Variants in LRMDA observed in about 807,000 individuals in gnomAD.
LRMDA encodes leucine rich melanocyte differentiation associated.
A neutral mutation model predicts 29.8 loss-of-function variants in LRMDA; 18 were observed. That is an observed-to-expected ratio of 0.60 (90% confidence interval 0.42 to 0.90). LRMDA has a LOEUF of 0.90. Among genes scored for constraint, LRMDA ranks in the 40% least tolerant of loss-of-function variants. LRMDA has a pLI of 0.00. For synonymous variants in LRMDA, 125 were observed against 109.4 expected (o/e 1.14, Z -0.89); for missense variants, 273 against 273.9 (o/e 1.00, Z 0.02).
intron 5 of LRMDA, among the ~76,000 whole-genome samples, chr10:76,244,284 C>T (rs900816138): frequency 1.3e-5 from 2 of 152,116 alleles, no homozygotes; most frequent in African/African-American, 4.8e-5. Flanking sequence ...GCATTCAGTA[C>T]ACATCAGATT....
At chr10:76,089,352 CAT>C (rs1447749945) in intron 5 of LRMDA, among the ~76,000 whole-genome samples, 1 of 152,294 alleles carries the variant, frequency 6.6e-6, no homozygotes, top group East Asian at 1.9e-4. Context: ...TACAGAGAAA[CAT>C]GTGACTTAAG....
chr10:76,150,161 G>A (rs1177450606), intron 5 of LRMDA, among the ~76,000 whole-genome samples: 1 of 152,198 alleles, frequency 6.6e-6, no homozygotes, highest in Non-Finnish European at 1.5e-5. Context: ...GCTGCCAAAA[G>A]CCCCTCCGCG....
At chr10:76,021,943 G>A (rs1847981566) in intron 2 of LRMDA, among the ~76,000 whole-genome samples, 1 of 152,182 alleles carries the variant, frequency 6.6e-6, no homozygotes, top group Admixed American at 6.5e-5. Context: ...GAAAGGAAAA[G>A]TGTCCTCCTG....
chr10:75,512,298 G>A (rs146297842), intron 2 of LRMDA, among the ~76,000 whole-genome samples: 95 of 152,148 alleles, frequency 6.2e-4, no homozygotes, highest in Admixed American at 1.0e-3. Flanking sequence ...ATCAGAACTG[G>A]GAAATTCCTG....
intron 5 of LRMDA, among the ~76,000 whole-genome samples, chr10:76,153,982 C>T (rs999137037): frequency 3.3e-5 from 5 of 152,136 alleles, no homozygotes; most frequent in African/African-American, 9.7e-5. Flanking sequence ...GATATCACAG[C>T]GATTGATTAA....
intron 2 of LRMDA, among the ~76,000 whole-genome samples, chr10:76,006,060 TC>T (rs1847650317): frequency 6.6e-6 from 1 of 152,122 alleles, no homozygotes; most frequent in Admixed American, 6.5e-5. Flanking sequence ...AGTCGCTGTT[TC>T]ACAAAGGGAA....
intron 2 of LRMDA, among the ~76,000 whole-genome samples, chr10:75,766,681 G>C (rs1018173564): frequency 1.3e-5 from 2 of 151,728 alleles, no homozygotes; most frequent in Non-Finnish European, 2.9e-5. Flanking sequence ...GAATGTGCAG[G>C]TTTGTTACAT....
At chr10:75,739,254 C>T (rs1205061272) in intron 2 of LRMDA, among the ~76,000 whole-genome samples, 1 of 152,204 alleles carries the variant, frequency 6.6e-6, no homozygotes, top group Non-Finnish European at 1.5e-5. Flanking sequence ...TTTATATGGG[C>T]ATTAGCGAAT....
intron 2 of LRMDA, among the ~76,000 whole-genome samples, chr10:75,682,158 C>G (rs1243206032): frequency 1.3e-5 from 2 of 152,210 alleles, no homozygotes; most frequent in African/African-American, 2.4e-5. Context: ...ACTCAGAATT[C>G]TACCTAGGAG....
intron 5 of LRMDA, among the ~76,000 whole-genome samples, chr10:76,161,515 A>T (rs1233190400): frequency 6.6e-6 from 1 of 152,218 alleles, no homozygotes. Context: ...ACAAACAAAC[A>T]AACAAAACTT....
chr10:76,332,425 G>T (rs773029002), intron 6 of LRMDA, among the ~76,000 whole-genome samples: 1 of 152,124 alleles, frequency 6.6e-6, no homozygotes, highest in Non-Finnish European at 1.5e-5. Context: ...CAGAATTGTG[G>T]TATACTTGTA....
At chr10:76,407,399 A>G (rs897734837) in intron 6 of LRMDA, among the ~76,000 whole-genome samples, 1 of 152,220 alleles carries the variant, frequency 6.6e-6, no homozygotes, top group African/African-American at 2.4e-5. Context: ...GAGTTGGAAC[A>G]CACAATCTGT....
At chr10:75,977,237 T>C (rs1475686035) in intron 2 of LRMDA, among the ~76,000 whole-genome samples, 1 of 152,204 alleles carries the variant, frequency 6.6e-6, no homozygotes, top group East Asian at 1.9e-4. Context: ...TTATAAATTT[T>C]CCCAGCAATT....
chr10:76,137,791 CA>C (rs1164386935), intron 5 of LRMDA, among the ~76,000 whole-genome samples: 1 of 140,388 alleles, frequency 7.1e-6, no homozygotes, highest in African/African-American at 2.7e-5. Context: ...AAAAAACAAA[CA>C]AAAAACCCTA....
intron 2 of LRMDA, among the ~76,000 whole-genome samples, chr10:75,670,274 A>G (rs1312073420): frequency 3.3e-5 from 5 of 152,248 alleles, no homozygotes; most frequent in Non-Finnish European, 4.4e-5. Context: ...TAAGCTCTAA[A>G]GTGACTTTGA....
intron 5 of LRMDA, among the ~76,000 whole-genome samples, chr10:76,296,039 G>C (rs1368783740): frequency 6.6e-6 from 1 of 152,086 alleles, no homozygotes; most frequent in African/African-American, 2.4e-5. Flanking sequence ...ACTGAGTACT[G>C]CATGAATACA....
chr10:75,663,068 C>G (rs1841775376), intron 2 of LRMDA, among the ~76,000 whole-genome samples: 1 of 152,154 alleles, frequency 6.6e-6, no homozygotes. Context: ...ATGCTTTTCT[C>G]TCTGAAGGCC....
intron 6 of LRMDA, among the ~76,000 whole-genome samples, chr10:76,342,617 A>G (rs1230127212): frequency 2.6e-5 from 4 of 151,970 alleles, no homozygotes; most frequent in Non-Finnish European, 4.4e-5. Context: ...AACTATCCCA[A>G]TCAAGGAAAA....
intron 6 of LRMDA, among the ~76,000 whole-genome samples, chr10:76,438,306 G>A (rs1049359643): frequency 1.8e-4 from 28 of 152,234 alleles, no homozygotes; most frequent in African/African-American, 4.8e-4. Context: ...CAAAGAATCC[G>A]TTATTTGTTT....
Sources: allele counts gnomAD v4.1 joint callset (sites outside exome capture counted in the v4.1 genomes callset), GRCh38; gene constraint gnomAD v4.1.1; transcripts MANE v1.5; gene names NCBI Gene and HGNC (gene_info 2026-07-23, HGNC 2026-07-21).